Variants in PHACTR1 observed in about 807,000 individuals in gnomAD.
PHACTR1 encodes the protein RPEL repeat containing 1.
A neutral mutation model predicts 69.2 loss-of-function variants in PHACTR1; 16 were observed. The ratio of observed to expected loss-of-function variants is 0.23; its 90% CI spans 0.16 to 0.35. The LOEUF (loss-of-function observed/expected upper bound fraction) is 0.35. PHACTR1 is among the 10% of genes least tolerant of loss of function. The probability of loss-of-function intolerance (pLI) is 1.00; values close to 1 mark genes in which losing one functional copy is unlikely to be tolerated. For synonymous variants in PHACTR1, 312 were observed against 284.5 expected (o/e 1.10, Z -0.97); for missense variants, 510 against 734.7 (o/e 0.69, Z 3.54).
At chr6:13,130,374 C>A (rs1345438185) in intron 5 of PHACTR1, among the ~76,000 whole-genome samples, 1 of 151,936 alleles carries the variant, frequency 6.6e-6, no homozygotes, top group African/African-American at 2.4e-5. Context: ...ACAAAAAAAA[C>A]TGGTTCTTTG....
chr6:12,880,406 A>T (rs1782969989), intron 4 of PHACTR1, among the ~76,000 whole-genome samples: 1 of 152,004 alleles, frequency 6.6e-6, no homozygotes, highest in Non-Finnish European at 1.5e-5. Flanking sequence ...TGATACAGGC[A>T]CACACTACCT....
intron 5 of PHACTR1, among the ~76,000 whole-genome samples, chr6:13,104,058 TG>T (rs2127872179): frequency 6.6e-6 from 1 of 152,296 alleles, no homozygotes; most frequent in South Asian, 2.1e-4. Flanking sequence ...CACTCCAGCC[TG>T]GGCAACAGAG....
intron 13 of PHACTR1, 110 bp from the exon 14 acceptor site, chr6:13,286,036 C>A: frequency 1.1e-6 from 1 of 878,752 alleles, no homozygotes; most frequent in Non-Finnish European, 1.7e-6. Flanking sequence ...CCATCTTAAA[C>A]TTGTTTGTCT....
At chr6:13,167,426 G>A (rs773696649) in intron 6 of PHACTR1, among the ~76,000 whole-genome samples, 17 of 152,328 alleles carry the variant, frequency 1.1e-4, no homozygotes, top group Non-Finnish European at 2.2e-4. Flanking sequence ...GGAGGGAAAA[G>A]AAGACCACTT....
intron 4 of PHACTR1, among the ~76,000 whole-genome samples, chr6:12,925,869 G>T (rs1788218676): frequency 6.6e-6 from 1 of 152,002 alleles, no homozygotes; most frequent in Non-Finnish European, 1.5e-5. Flanking sequence ...AAAATTTCAG[G>T]GGCCTGTCTC....
intron 4 of PHACTR1, among the ~76,000 whole-genome samples, chr6:12,759,461 A>G (rs985491856): frequency 6.6e-6 from 1 of 151,010 alleles, no homozygotes; most frequent in Admixed American, 6.6e-5. Context: ...AAAAAATCCT[A>G]CTTTGGTACT....
At chr6:13,168,448 T>A (rs2113615860) in intron 6 of PHACTR1, among the ~76,000 whole-genome samples, 1 of 152,332 alleles carries the variant, frequency 6.6e-6, no homozygotes, top group East Asian at 1.9e-4. Flanking sequence ...TCCACATAAA[T>A]GTATTCATTC....
At chr6:12,934,939 C>A (rs1343289626) in intron 4 of PHACTR1, among the ~76,000 whole-genome samples, 1 of 152,124 alleles carries the variant, frequency 6.6e-6, no homozygotes, top group Non-Finnish European at 1.5e-5. Flanking sequence ...TGTACAAGAC[C>A]CTGTCTCTAT....
At chr6:12,942,134 GC>G (rs1337488024) in intron 4 of PHACTR1, among the ~76,000 whole-genome samples, 1 of 151,854 alleles carries the variant, frequency 6.6e-6, no homozygotes, top group Non-Finnish European at 1.5e-5. Flanking sequence ...CCCATCTTTT[GC>G]CCACCCTTGA....
intron 4 of PHACTR1, chr6:12,957,557 C>A: frequency 2.0e-6 from 2 of 985,536 alleles, no homozygotes; most frequent in Non-Finnish European, 2.4e-6. Context: ...AAGAGGCAGT[C>A]TGTGCCCCAC....
intron 3 of PHACTR1, among the ~76,000 whole-genome samples, chr6:12,730,757 C>T (rs1169617992): frequency 6.6e-6 from 1 of 152,146 alleles, no homozygotes; most frequent in East Asian, 1.9e-4. Context: ...TCCTCCCACC[C>T]TCCGGCCTCC....
chr6:13,020,757 C>T (rs1466223900), intron 4 of PHACTR1, among the ~76,000 whole-genome samples: 1 of 152,182 alleles, frequency 6.6e-6, no homozygotes, highest in Non-Finnish European at 1.5e-5. Context: ...GTATTATCCA[C>T]TTAAGATATG....
intron 7 of PHACTR1, among the ~76,000 whole-genome samples, chr6:13,204,564 C>T (rs1251828251): frequency 6.6e-6 from 1 of 152,152 alleles, no homozygotes; most frequent in Non-Finnish European, 1.5e-5. Flanking sequence ...ACCCTGAGCC[C>T]CTCAAATGTG....
intron 10 of PHACTR1, among the ~76,000 whole-genome samples, chr6:13,239,498 A>T (rs1772499197): frequency 6.6e-6 from 1 of 152,092 alleles, no homozygotes; most frequent in African/African-American, 2.4e-5. Context: ...AAGAAACCAC[A>T]TGTTCGCTGG....
At chr6:13,237,943 T>C (rs908385766) in intron 10 of PHACTR1, among the ~76,000 whole-genome samples, 2 of 152,256 alleles carry the variant, frequency 1.3e-5, no homozygotes, top group African/African-American at 4.8e-5. Flanking sequence ...CACAGTCCCA[T>C]ATGCAGTCCG....
At chr6:13,225,284 G>A (rs1769421858) in intron 8 of PHACTR1, among the ~76,000 whole-genome samples, 1 of 152,146 alleles carries the variant, frequency 6.6e-6, no homozygotes, top group Non-Finnish European at 1.5e-5. Context: ...CAGTCTTAAG[G>A]AAAATTAGGC....
chr6:13,231,087 G>A (rs1562037022), intron 10 of PHACTR1, among the ~76,000 whole-genome samples: 11 of 16,172 alleles, frequency 6.8e-4, no homozygotes, highest in African/African-American at 2.3e-3. Flanking sequence ...AAGGAAGGAA[G>A]AAGGAAGGAA....
At chr6:13,157,302 A>G (rs531110944) in intron 5 of PHACTR1, among the ~76,000 whole-genome samples, 17 of 152,310 alleles carry the variant, frequency 1.1e-4, no homozygotes, top group African/African-American at 4.1e-4. Flanking sequence ...AATATTTACC[A>G]TATGCTCTGA....
chr6:13,259,201 A>G (rs1209572408), intron 10 of PHACTR1, among the ~76,000 whole-genome samples: 1 of 152,186 alleles, frequency 6.6e-6, no homozygotes, highest in Non-Finnish European at 1.5e-5. Context: ...TGTTATAACA[A>G]CTCAGATACT....
Sources: allele counts gnomAD v4.1 joint callset (sites outside exome capture counted in the v4.1 genomes callset), GRCh38; gene constraint gnomAD v4.1.1; transcripts MANE v1.5; gene names NCBI Gene and HGNC (gene_info 2026-07-23, HGNC 2026-07-21).